CR1: variants seen among roughly 807,000 people sequenced by gnomAD.
CR1 encodes complement receptor type 1.
Under a neutral mutation model 187.3 loss-of-function variants are expected in CR1, and 116 were observed. The observed-to-expected ratio is 0.62, with a 90% CI of 0.53 to 0.72. CR1 has a LOEUF of 0.72. Among genes scored for constraint, CR1 ranks in the 30% least tolerant of loss-of-function variants. CR1 has a pLI of 0.00. For synonymous variants in CR1, 576 were observed against 747.1 expected, an observed-to-expected ratio of 0.77 and a Z score of 3.73; for missense variants, 1,731 against 2,110.7, an observed-to-expected ratio of 0.82 and a Z score of 3.52.
At chr1:207,632,078 A>G (rs1196458191) in intron 46 of CR1, among the ~76,000 whole-genome samples, 1 of 152,226 alleles carries the variant, frequency 6.6e-6, no homozygotes, top group Non-Finnish European at 1.5e-5. Flanking sequence ...TAAACAAAAA[A>G]TTACAGATTA....
intron 42 of CR1, among the ~76,000 whole-genome samples, chr1:207,619,050 A>AAAG (rs56350417): frequency 0.43 from 59,642 of 138,958 alleles, 16,091 homozygotes; most frequent in Non-Finnish European, 0.59. Context: ...AAAAAAAAAA[A>AAAG]AAAAAGAAAA....
At chr1:207,521,834 A>G (rs1344727028) in intron 4 of CR1, among the ~76,000 whole-genome samples, 1 of 142,592 alleles carries the variant, frequency 7.0e-6, no homozygotes, top group Non-Finnish European at 1.5e-5. Flanking sequence ...ATATGTATAT[A>G]TACTTTTTTT....
intron 23 of CR1, 101 bp downstream of exon 23, chr1:207,564,335 CA>C (rs1290082735): frequency 1.3e-6 from 2 of 1,588,118 alleles, no homozygotes; most frequent in East Asian, 4.5e-5. Flanking sequence ...GACACACACA[CA>C]CACACACACC....
At chr1:207,581,341 T>C (rs898382442) in intron 31 of CR1, among the ~76,000 whole-genome samples, 20 of 138,220 alleles carry the variant, frequency 1.4e-4, no homozygotes, top group Admixed American at 5.5e-4. Context: ...CATGTGTATA[T>C]GTATACGTAT....
chr1:207,592,293 C>T (rs532948931), intron 35 of CR1, among the ~76,000 whole-genome samples: 19 of 152,244 alleles, frequency 1.2e-4, no homozygotes, highest in Admixed American at 2.6e-4. Flanking sequence ...GTTCAACATA[C>T]GCAAATCAAT....
Position 207,581,902 on chromosome 1 carries a change from C to T in CR1, c.5217-16C>T. Reference sequence around the variant, plus strand: ...AAATGGTGCATTCATCCAGCCACTACTGCTTTGTTCTTTAGGTTTCGCTTA... The same window carrying T: ...AAATGGTGCATTCATCCAGCCACTATTGCTTTGTTCTTTAGGTTTCGCTTA... On this transcript the variant is annotated splice_polypyrimidine_tract_variant and intron_variant, in intron 31 of 46. Coordinates refer to ENST00000367049, the MANE Select transcript of CR1 (RefSeq NM_000651.6). 1.3e-6 allele frequency: 2 copies of T among 1,596,488 alleles called. No individual in the cohort carries two copies. The highest frequency in any genetic ancestry group is 1.7e-6 in the Non-Finnish European group (2 of 1,164,660).
At chr1:207,584,549 G>A (rs964359500) in intron 32 of CR1, 100 bp from the exon 33 acceptor site, 22 of 1,397,868 alleles carry the variant, frequency 1.6e-5, no homozygotes, top group South Asian at 4.4e-5. Flanking sequence ...AGAAAAGTAC[G>A]CTTAATTGGC....
chr1:207,601,792 T>C (rs1352389836), intron 35 of CR1, among the ~76,000 whole-genome samples: 1 of 152,080 alleles, frequency 6.6e-6, no homozygotes, highest in Admixed American at 6.6e-5. Context: ...GTTACAGGAG[T>C]CCTTTATATG....
chr1:207,625,720 G>T (rs1436711902), intron 45 of CR1, among the ~76,000 whole-genome samples: 3 of 152,058 alleles, frequency 2.0e-5, no homozygotes, highest in Non-Finnish European at 2.9e-5. Context: ...TGGGGATGGG[G>T]GTGTGGGAAA....
At chr1:207,583,394 A>G (rs1661019002) in intron 32 of CR1, among the ~76,000 whole-genome samples, 1 of 152,110 alleles carries the variant, frequency 6.6e-6, no homozygotes, top group Non-Finnish European at 1.5e-5. Flanking sequence ...AATGGGAGGA[A>G]CTGTAACAGA....
intron 45 of CR1, among the ~76,000 whole-genome samples, chr1:207,623,493 G>A (rs12032780): frequency 0.46 from 69,677 of 151,560 alleles, 18,455 homozygotes; most frequent in Non-Finnish European, 0.6. Context: ...GTTGAAGCAT[G>A]AGAATTGCTT....
intron 42 of CR1, among the ~76,000 whole-genome samples, chr1:207,619,396 A>G (rs988297424): frequency 3.4e-5 from 5 of 148,362 alleles, no homozygotes; most frequent in Non-Finnish European, 7.5e-5. Context: ...AAAAAAAAAG[A>G]AAAAGAAAAA....
intron 31 of CR1, among the ~76,000 whole-genome samples, chr1:207,581,376 GTATACATATGTATATATACATATGTA>G (rs1427099235): frequency 5.3e-5 from 7 of 132,572 alleles, no homozygotes; most frequent in Non-Finnish European, 8.9e-5. Context: ...ATACGTATAT[GTATACATATGTATATATACATATGTA>G]TATACATATA....
chr1:207,525,820 C>T (rs1378179985), intron 5 of CR1, among the ~76,000 whole-genome samples: 1 of 151,896 alleles, frequency 6.6e-6, no homozygotes, highest in Non-Finnish European at 1.5e-5. Context: ...GGTGATGAGC[C>T]CTGAAAATGG....
Position 207,609,506 on chromosome 1 carries a change from C to T in CR1, c.6113C>T (p.Thr2038Ile). The change falls in exon 37 of 47, where the codon ACT becomes ATT. Residue 2038 changes from threonine (T) to isoleucine (I), a missense_variant. This residue lies in a region of CR1 where 1,312 missense variants were observed against 1,379.6 expected (regional missense o/e 0.95). Coordinates refer to ENST00000367049, the MANE Select transcript of CR1 (RefSeq NM_000651.6). ...WSSPPPRCISTNKCTAPEVEN... is the reference protein window; with the variant it reads ...WSSPPPRCISINKCTAPEVEN... ...AGCCCTCCCCCTCGGTGTATTTCTA[C>T]TAATAAATGCACAGCTCCAGAAGTT... The T allele has an allele frequency of 6.2e-7, 1 of 1,613,918 alleles. No homozygotes were observed. The highest frequency in any genetic ancestry group is 8.5e-7 in the Non-Finnish European group (1 of 1,179,854).
chr1:207,578,846 CATTTTATTTTG>C (rs1048227691), intron 29 of CR1, among the ~76,000 whole-genome samples: 2 of 152,204 alleles, frequency 1.3e-5, no homozygotes, highest in African/African-American at 4.8e-5. Flanking sequence ...CTGCCTCCTA[CATTTTATTTTG>C]ATTTTATTTT....
At chr1:207,611,893 C>T in intron 38 of CR1, 40 bp downstream of exon 38, 1 of 1,613,824 alleles carries the variant, frequency 6.2e-7, no homozygotes, top group Non-Finnish European at 8.5e-7. Context: ...TCTGTTTTCC[C>T]CTTCACATGG....
At chr1:207,515,171 G>C (rs988152750) in intron 4 of CR1, among the ~76,000 whole-genome samples, 1 of 10,852 alleles carries the variant, frequency 9.2e-5, no homozygotes, top group African/African-American at 1.7e-4. Flanking sequence ...ACATATATAG[G>C]TATATACATA....
chr1:207,611,141 A>G (rs1350253484), intron 37 of CR1, among the ~76,000 whole-genome samples: 1 of 151,484 alleles, frequency 6.6e-6, no homozygotes, highest in Non-Finnish European at 1.5e-5. Flanking sequence ...AGCTGAAATG[A>G]CTGGCTTAAA....
Sources: gnomAD v4.1 joint callset for allele counts (sites outside exome capture counted in the v4.1 genomes callset) on GRCh38, gnomAD v4.1.1 for gene constraint, gnomAD v4.1.1 regional missense constraint, MANE v1.5 for transcripts, NCBI Gene and HGNC (gene_info 2026-07-23, HGNC 2026-07-21) for gene names.